MAMLD1: variants seen among roughly 807,000 people sequenced by gnomAD.
MAMLD1 encodes mastermind-like domain-containing protein 1.
Under a neutral mutation model 45.0 loss-of-function variants are expected in MAMLD1, and 14 were observed. That is an observed-to-expected ratio of 0.31 (90% CI 0.21 to 0.49). MAMLD1 has a LOEUF of 0.49. Ranked by LOEUF, MAMLD1 falls within the 20% of genes least tolerant of loss-of-function variation. The probability of loss-of-function intolerance (pLI) is 0.99; values close to 1 mark genes in which losing one functional copy is unlikely to be tolerated. For synonymous variants in MAMLD1, 254 were observed against 247.8 expected, an observed-to-expected ratio of 1.02 and a Z score of -0.24; for missense variants, 543 against 603.6, an observed-to-expected ratio of 0.90 and a Z score of 1.05.
intron 5 of MAMLD1, among the ~76,000 whole-genome samples, chrX:150,494,928 G>A (rs2037324467): frequency 1.8e-5 from 2 of 110,011 alleles, no homozygotes; most frequent in South Asian, 7.8e-4. Context: ...AACCTTGGCC[G>A]GGTGTGGTGG....
intron 4 of MAMLD1, among the ~76,000 whole-genome samples, chrX:150,472,042 A>T (rs1382387030): frequency 3.6e-5 from 4 of 112,061 alleles, no homozygotes; most frequent in African/African-American, 9.7e-5. Context: ...TCCATTTTAC[A>T]AATGAAGAAA....
At chrX:150,469,669 G>A in intron 3 of MAMLD1, 76 bp from the exon 4 acceptor site, 2 of 656,392 alleles carry the variant, frequency 3.0e-6, no homozygotes, top group Non-Finnish European at 5.0e-6. Flanking sequence ...GTGTGTGTGT[G>A]TGTGTGTGTG....
In MAMLD1 at chrX:150,471,283, C is replaced by G. The variant is rs148967982; in HGVS notation, c.1710C>G (p.Leu570=). ...MPTTSRQPSL[L]HYLQQPTPTQ... Reference sequence around the variant, plus strand: ...CCACCTCTAGGCAGCCTTCCCTGCTCCACTACCTGCAGCAGCCGACACCAA... The same window carrying G: ...CCACCTCTAGGCAGCCTTCCCTGCTGCACTACCTGCAGCAGCCGACACCAA... The change falls in exon 4 of 8, where the codon CTC becomes CTG. Residue 570 remains leucine (L), a synonymous_variant. Coordinates refer to ENST00000370401, the MANE Select transcript of MAMLD1 (RefSeq NM_005491.5). 23 of 1,209,637 alleles carry G rather than the reference C, an allele frequency of 1.9e-5. No homozygotes were observed. The African/African-American group carries it at 3.7e-4, about 19-fold the overall frequency.
intron 3 of MAMLD1, among the ~76,000 whole-genome samples, chrX:150,466,954 C>T (rs782786021): frequency 2.7e-5 from 3 of 111,685 alleles, no homozygotes; most frequent in Non-Finnish European, 5.7e-5. Flanking sequence ...GGATGCCAGA[C>T]CATTGCCCCT....
chrX:150,512,008 C>A lies in MAMLD1; in HGVS notation c.*49C>A. The A allele has an allele frequency of 9.2e-7, 1 of 1,085,749 alleles. No homozygotes were observed. The highest frequency in any genetic ancestry group is 1.2e-6 in the Non-Finnish European group (1 of 836,264). 89.5% of individuals were successfully genotyped at this position (1,085,749 alleles called of 1,213,427 possible). A position where few individuals can be genotyped will look rare whatever the true frequency, so the allele number is the denominator to read the frequency against. On this transcript the variant is annotated 3_prime_UTR_variant, in exon 8 of 8. Coordinates refer to ENST00000370401, the MANE Select transcript of MAMLD1 (RefSeq NM_005491.5). ...CTTCTCTCTTTCTGTATGTAGCCGT[C>A]CAAGAACAAGTCACCTCCAAGTGTA...
chrX:150,480,624 G>A (rs942477516), intron 5 of MAMLD1, among the ~76,000 whole-genome samples: 4 of 112,086 alleles, frequency 3.6e-5, no homozygotes, highest in African/African-American at 1.3e-4. Context: ...TAAAGAGTCA[G>A]CATTCATCCA....
chrX:150,461,138 C>T (rs1557405603), intron 2 of MAMLD1, among the ~76,000 whole-genome samples: 1 of 113,014 alleles, frequency 8.8e-6, no homozygotes, highest in East Asian at 2.8e-4. Flanking sequence ...AAGGTACCAC[C>T]CGCCAAATGG....
In MAMLD1 at chrX:150,398,944, A is replaced by G. The variant is rs7883042; in HGVS notation, c.-64+35414A>G. On this transcript the variant is annotated intron_variant, in intron 1 of 7. Coordinates refer to ENST00000370401, the MANE Select transcript of MAMLD1 (RefSeq NM_005491.5). ...TCTTTCTCTGGTCTCTTTAGCCAGA[A>G]GTCAGTCTACAAACACTTCCCTAAG... 3.9e-3 allele frequency among the ~76,000 whole-genome samples: 435 copies of G among 112,080 alleles called. 3 individuals are homozygous for G. Among genetic ancestry groups the G allele is most frequent in the African/African-American group, 0.013 (409 of 30,820 alleles).
Position 150,389,054 on chromosome X carries a change from A to ATT in MAMLD1, c.-64+25533_-64+25534dup, listed in dbSNP as rs372830900. Among the ~76,000 whole-genome samples, 10 of 106,558 alleles carry ATT rather than the reference A, an allele frequency of 9.4e-5. No individual in the cohort carries two copies. In the East Asian group the frequency reaches 2.9e-3, roughly 31 times the overall value. 92.5% of individuals were successfully genotyped at this position (106,558 alleles called of 115,157 possible). On this transcript the variant is annotated intron_variant, in intron 1 of 7. Coordinates refer to ENST00000370401, the MANE Select transcript of MAMLD1 (RefSeq NM_005491.5). ...TTTTCATTTTCATTCATTTCAATGC[A>ATT]TTTTTTTTTTGAGACAGAATCTCAC...
At chrX:150,406,001 A>T (rs2033984494) in intron 1 of MAMLD1, among the ~76,000 whole-genome samples, 2 of 111,372 alleles carry the variant, frequency 1.8e-5, no homozygotes, top group Non-Finnish European at 3.8e-5. Flanking sequence ...ATTTAAAGTG[A>T]TGGGGTGAGA....
chrX:150,512,199 C>G lies in MAMLD1; in HGVS notation c.*240C>G, dbSNP rs782273565. On this transcript the variant is annotated 3_prime_UTR_variant, in exon 8 of 8. Coordinates refer to ENST00000370401, the MANE Select transcript of MAMLD1 (RefSeq NM_005491.5). ...CTGGGGAAGCGGCAAGGAATTTTCA[C>G]CTCCAGCCCCCAGTGTCCCATCCTC... is the stretch of plus-strand genomic sequence containing the variant. 4.4e-5 allele frequency: 50 copies of G among 1,129,340 alleles called. No individual in the cohort carries two copies. The highest frequency in any genetic ancestry group is 5.6e-5 in the Non-Finnish European group (48 of 858,716). The allele number at this position is 1,129,340 out of a possible 1,213,427, so 93.1% of individuals were successfully genotyped here. A position where few individuals can be genotyped will look rare whatever the true frequency, so the allele number is the denominator to read the frequency against.
In MAMLD1 at chrX:150,513,168, G is replaced by T; in HGVS notation, c.*1209G>T. ...GCAGTTGTCTCCCGTTACAATTTGA[G>T]TGGTGTTGTCAGCCCATGCTTATCC... On this transcript the variant is annotated 3_prime_UTR_variant, in exon 8 of 8. Transcript: ENST00000370401. 2 of 772,993 alleles carry T rather than the reference G, an allele frequency of 2.6e-6. No homozygotes were observed. Among genetic ancestry groups the T allele is most frequent in the Non-Finnish European group, 3.6e-6 (2 of 549,841 alleles). 63.7% of individuals were successfully genotyped at this position (772,993 alleles called of 1,213,427 possible).
At chrX:150,506,891 C>T (rs55782169) in intron 6 of MAMLD1, among the ~76,000 whole-genome samples, 12,039 of 112,064 alleles carry the variant, frequency 0.11, 528 homozygotes, top group Middle Eastern at 0.17. Context: ...AGCTCCCTGG[C>T]GTCAGCCTAA....
intron 1 of MAMLD1, among the ~76,000 whole-genome samples, chrX:150,402,860 G>A (rs1041985338): frequency 1.5e-4 from 17 of 110,303 alleles, no homozygotes; most frequent in Non-Finnish European, 3.2e-4. Flanking sequence ...CTCATAGGTG[G>A]GAATTGAACA....
chrX:150,434,682 C>A (rs2035063809), intron 1 of MAMLD1, among the ~76,000 whole-genome samples: 1 of 112,101 alleles, frequency 8.9e-6, no homozygotes. Context: ...AGAAGTCATT[C>A]AGGAGGACGT....
At chrX:150,411,865 G>A (rs1448534743) in intron 1 of MAMLD1, among the ~76,000 whole-genome samples, 1 of 112,118 alleles carries the variant, frequency 8.9e-6, no homozygotes, top group East Asian at 2.8e-4. Context: ...CAGGCAGGCT[G>A]CCAGTGAATG....
chrX:150,441,000 A>G (rs1356041467), intron 1 of MAMLD1, among the ~76,000 whole-genome samples: 1 of 104,863 alleles, frequency 9.5e-6, no homozygotes, highest in Non-Finnish European at 1.9e-5. Context: ...ATAATATTTA[A>G]TATAAATATT....
At chrX:150,466,066 C>T (rs1400428186) in intron 3 of MAMLD1, among the ~76,000 whole-genome samples, 2 of 112,726 alleles carry the variant, frequency 1.8e-5, no homozygotes, top group Non-Finnish European at 3.8e-5. Context: ...AGTGAAGGCA[C>T]GAGTGTGGCA....
Position 150,506,552 on chromosome X carries a change from G to A in MAMLD1, c.2284+3035G>A, listed in dbSNP as rs782466343. On this transcript the variant is annotated intron_variant, in intron 6 of 7. Transcript: ENST00000370401. ...CTCATAGGGCAAGGAACTTCAGCCC[G>A]AATCCGGCTAAAATCCAGGAACATT... Among the ~76,000 whole-genome samples, 323 of 111,904 alleles carry A rather than the reference G, an allele frequency of 2.9e-3. 1 individual carries two copies. Among genetic ancestry groups the A allele is most frequent in the African/African-American group, 9.9e-3 (305 of 30,851 alleles).
Sources: allele counts gnomAD v4.1 joint callset (sites outside exome capture counted in the v4.1 genomes callset), GRCh38; gene constraint gnomAD v4.1.1; transcripts MANE v1.5; gene names NCBI Gene and HGNC (gene_info 2026-07-23, HGNC 2026-07-21).